Variants in ANK2 observed in about 807,000 individuals in gnomAD.
The protein encoded by ANK2 is ankyrin 2.
In ANK2, 83 loss-of-function variants were observed where a neutral mutation model predicts 360.5. The ratio of observed to expected loss-of-function variants is 0.23; its 90% CI spans 0.19 to 0.28. The LOEUF (loss-of-function observed/expected upper bound fraction) is 0.28, where lower values mean the gene tolerates loss of function less well. Ranked by LOEUF, ANK2 falls within the 10% of genes least tolerant of loss-of-function variation. The pLI is 1.00. For missense variants in ANK2, 4,201 were observed against 4,795.7 expected (o/e 0.88, Z 3.66); for synonymous variants, 1,740 against 1,759.5 (o/e 0.99, Z 0.28).
intron 1 of ANK2, among the ~76,000 whole-genome samples, chr4:113,167,974 ACT>A (rs1208432506): frequency 6.6e-6 from 1 of 152,126 alleles, no homozygotes; most frequent in Non-Finnish European, 1.5e-5. Flanking sequence ...TTCCAATTTT[ACT>A]CTCTTTTAAA....
the ANK2 span, among the ~76,000 whole-genome samples, chr4:112,705,905 C>T: frequency 1.3e-5 from 2 of 151,528 alleles, no homozygotes; most frequent in Non-Finnish European, 2.9e-5. Flanking sequence ...CCGACCCCGG[C>T]CCGCCGCGGC....
At position 113,175,887 on chromosome 4, in the gene ANK2, G is replaced by A. The variant is rs370715993; in HGVS notation, c.186+1370G>A. On this transcript the variant is annotated intron_variant, in intron 2 of 45. Transcript: ENST00000357077. The stretch of plus-strand genomic sequence containing the variant: ...GTGTCTCTTACCGTGAAAACATGTT[G>A]AGAGCTACTTAATGTTGGGAAAGGC... Among the ~76,000 whole-genome samples the A allele has an allele frequency of 2.2e-4, 33 of 152,286 alleles. No homozygotes were observed. The South Asian group carries it at 3.3e-3, about 15-fold the overall frequency.
intron 17 of ANK2, 141 bp from the exon 18 acceptor site, chr4:113,282,534 G>T: frequency 1.2e-6 from 1 of 821,198 alleles, no homozygotes; most frequent in Non-Finnish European, 2.0e-6. Flanking sequence ...ATGGAAACGT[G>T]ATGAGTAAGA....
At chr4:113,244,006 G>A (rs920077070) in intron 9 of ANK2, among the ~76,000 whole-genome samples, 3 of 152,086 alleles carry the variant, frequency 2.0e-5, no homozygotes, top group Admixed American at 6.5e-5. Flanking sequence ...TCTAATTTGT[G>A]TGGCTTACAT....
chr4:112,949,619 A>G (rs2094797394), intron 2 of ANK2, among the ~76,000 whole-genome samples: 1 of 152,236 alleles, frequency 6.6e-6, no homozygotes, highest in Non-Finnish European at 1.5e-5. Flanking sequence ...CTAACCATTT[A>G]GAACAAAAAT....
chr4:113,364,034 C>T (rs1304657795), intron 40 of ANK2, among the ~76,000 whole-genome samples: 2 of 152,134 alleles, frequency 1.3e-5, no homozygotes, highest in South Asian at 2.1e-4. Flanking sequence ...TAGGAAAGTA[C>T]TCAGCGAGCC....
At chr4:113,231,286 T>C (rs1364658508) in intron 4 of ANK2, among the ~76,000 whole-genome samples, 1 of 152,028 alleles carries the variant, frequency 6.6e-6, no homozygotes, top group Non-Finnish European at 1.5e-5. Flanking sequence ...ACTCCTGACC[T>C]TGTGATCCAC....
intron 20 of ANK2, among the ~76,000 whole-genome samples, chr4:113,291,621 ATG>A (rs1563477435): frequency 1.3e-5 from 2 of 152,222 alleles, no homozygotes. Flanking sequence ...TGAAAGGGGT[ATG>A]TACACTTAAA....
chr4:113,342,707 A>T (rs2094438008), intron 33 of ANK2, among the ~76,000 whole-genome samples: 1 of 152,276 alleles, frequency 6.6e-6, no homozygotes. Flanking sequence ...CTCAAAAAAA[A>T]AAAAAAATTA....
intron 2 of ANK2, among the ~76,000 whole-genome samples, chr4:112,931,052 G>A (rs186511564): frequency 9.2e-5 from 14 of 152,296 alleles, no homozygotes; most frequent in Admixed American, 2.6e-4. Flanking sequence ...AGGTCATGGA[G>A]GCCTCAAGGT....
the ANK2 span, among the ~76,000 whole-genome samples, chr4:112,745,047 A>C: frequency 2.0e-5 from 3 of 152,128 alleles, no homozygotes; most frequent in East Asian, 3.8e-4. Flanking sequence ...GTTTTTTCTC[A>C]GTTGGACTGT....
At chr4:113,378,139 T>G in intron 45 of ANK2, 2 of 1,281,784 alleles carry the variant, frequency 1.6e-6, no homozygotes, top group Non-Finnish European at 2.0e-6. Flanking sequence ...CCCAGTTTAG[T>G]AGAGAATGAA....
chr4:112,951,068 C>T (rs2094941747), intron 2 of ANK2, among the ~76,000 whole-genome samples: 2 of 114,806 alleles, frequency 1.7e-5, no homozygotes, highest in Middle Eastern at 0.016. Flanking sequence ...GGCGACAGAG[C>T]GAGCCTCCGT....
Position 113,355,694 on chromosome 4 carries a change from C to T in ANK2, c.7076C>T (p.Ser2359Leu). Residue 2359 changes from serine to leucine, a missense_variant, in exon 38 of 46, where the codon TCA (serine) becomes TTA (leucine). Ser to Leu is a moderately radical substitution (Grantham distance 145). This residue lies in a region of ANK2 where 2,642 missense variants were observed against 2,714.5 expected (regional missense o/e 0.97). Transcript: ENST00000357077. ...GAAGGTCAACGTACCTTTGGTAGTT[C>T]AGCCCACAAGACACAAACTGATAGT... ...CDEGQRTFGS[S>L]AHKTQTDSEV... The T allele has an allele frequency of 6.2e-7, 1 of 1,614,128 alleles. No individual in the cohort carries two copies. The highest frequency in any genetic ancestry group is 2.2e-5 in the East Asian group (1 of 44,876).
intron 32 of ANK2, 22 bp from the exon 33 acceptor site, chr4:113,341,666 C>A (rs753770342): frequency 1.2e-6 from 2 of 1,611,126 alleles, no homozygotes; most frequent in South Asian, 2.2e-5. Context: ...CTTTAGATAA[C>A]TGACTTTATT....
At chr4:112,826,395 G>A in intron 1 of ANK2, 2 of 1,012,086 alleles carry the variant, frequency 2.0e-6, no homozygotes, top group East Asian at 4.8e-5. Flanking sequence ...AGTTGTCCCT[G>A]GAACAGAAGT....
chr4:113,064,796 T>C lies in ANK2; in HGVS notation c.84+14984T>C, dbSNP rs1330385615. The stretch of plus-strand genomic sequence containing the variant: ...ACTTCTAACAAAAATGTTAGAAAGT[T>C]CTGTAGAACTTCTAACAAAAATGTT... On this transcript the variant is annotated intron_variant, in intron 1 of 45. Coordinates refer to ENST00000357077, the MANE Select transcript of ANK2 (RefSeq NM_001148.6). Among the ~76,000 whole-genome samples the C allele has an allele frequency of 3.2e-5, 3 of 95,076 alleles. 1 individual carries two copies. Among genetic ancestry groups the C allele is most frequent in the African/African-American group, 1.2e-4 (3 of 24,816 alleles). 62.4% of individuals were successfully genotyped at this position (95,076 alleles called of 152,430 possible).
At chr4:113,065,982 G>A (rs994435342) in intron 1 of ANK2, among the ~76,000 whole-genome samples, 2 of 151,988 alleles carry the variant, frequency 1.3e-5, no homozygotes, top group African/African-American at 4.8e-5. Flanking sequence ...ACCTGGTTCA[G>A]GTATATATTT....
chr4:112,974,251 A>G (rs2040583354), intron 2 of ANK2, among the ~76,000 whole-genome samples: 1 of 152,176 alleles, frequency 6.6e-6, no homozygotes. Context: ...TATTTGTGGG[A>G]ACACAATGAC....
Sources: gnomAD v4.1 joint callset for allele counts (sites outside exome capture counted in the v4.1 genomes callset) on GRCh38, gnomAD v4.1.1 for gene constraint, gnomAD v4.1.1 regional missense constraint, MANE v1.5 for transcripts, NCBI Gene and HGNC (gene_info 2026-07-23, HGNC 2026-07-21) for gene names.